Variants in LIPA observed in about 807,000 individuals in gnomAD.
LIPA encodes the protein lysosomal acid lipase/cholesteryl ester hydrolase.
LIPA carries 26 observed loss-of-function variants against 40.6 expected under a neutral mutation model. The ratio of observed to expected loss-of-function variants is 0.64; its 90% CI spans 0.47 to 0.89. The LOEUF is 0.89. Among genes scored for constraint, LIPA ranks in the 40% least tolerant of loss-of-function variants. The pLI, the probability that LIPA is intolerant of heterozygous loss-of-function variation, is 0.00. For missense variants in LIPA, 455 were observed against 479.6 expected (o/e 0.95, Z 0.48); for synonymous variants, 188 against 168.4 (o/e 1.12, Z -0.90).
At chr10:89,302,079 G>T (rs781311834) in intron 1 of LIPA, 3 of 1,613,306 alleles carry the variant, frequency 1.9e-6, no homozygotes, top group Admixed American at 3.3e-5. Flanking sequence ...GAGTGCAGCT[G>T]CCTGAACCGA....
intron 2 of LIPA, among the ~76,000 whole-genome samples, chr10:89,356,744 C>T (rs1843990699): frequency 6.6e-6 from 1 of 152,136 alleles, no homozygotes; most frequent in Non-Finnish European, 1.5e-5. Flanking sequence ...AAATAAAGTG[C>T]ACAATAAATG....
intron 1 of LIPA, among the ~76,000 whole-genome samples, chr10:89,264,790 G>A (rs1843226801): frequency 6.6e-6 from 1 of 152,338 alleles, no homozygotes; most frequent in South Asian, 2.1e-4. Flanking sequence ...ACACCACCTG[G>A]AACTGATAGG....
intron 1 of LIPA, among the ~76,000 whole-genome samples, chr10:89,328,534 A>G (rs1187280991): frequency 1.3e-5 from 2 of 152,186 alleles, no homozygotes; most frequent in Non-Finnish European, 2.9e-5. Context: ...AAAAGGAGGA[A>G]TTTATTTTCA....
At chr10:89,362,182 G>A (rs11203093) in intron 2 of LIPA, 1 of 152,018 alleles carries the variant, frequency 6.6e-6, no homozygotes, top group Admixed American at 6.6e-5. Flanking sequence ...AGGATTGCAG[G>A]TGTGAGCCAC....
At chr10:89,227,893 A>G (rs1488793041) in intron 4 of LIPA, among the ~76,000 whole-genome samples, 2 of 152,236 alleles carry the variant, frequency 1.3e-5, no homozygotes, top group African/African-American at 4.8e-5. Flanking sequence ...TCTGGATTAC[A>G]TATTTATGGA....
upstream of LIPA, among the ~76,000 whole-genome samples, chr10:89,253,869 A>C (rs905345460): frequency 6.6e-6 from 1 of 152,254 alleles, no homozygotes; most frequent in Admixed American, 6.5e-5. Flanking sequence ...GTCCAGATCC[A>C]TCAAGGCAGT....
chr10:89,364,508 C>T (rs1844044551), intron 2 of LIPA, among the ~76,000 whole-genome samples: 2 of 152,144 alleles, frequency 1.3e-5, no homozygotes, highest in Admixed American at 1.3e-4. Context: ...CTTCTTAAGG[C>T]CCATCTCTCT....
upstream of LIPA, among the ~76,000 whole-genome samples, chr10:89,345,697 A>G (rs1039078398): frequency 6.6e-6 from 1 of 152,194 alleles, no homozygotes; most frequent in Non-Finnish European, 1.5e-5. Flanking sequence ...ATTTATACAC[A>G]GCTGAAAAGC....
chr10:89,214,551 T>C lies in LIPA; in HGVS notation c.*277A>G. Reference sequence around the variant, plus strand: ...AATTTTAAAAACAGAATGGATATAATGACCTTTTTACACATCAGTGATATT... The same window carrying C: ...AATTTTAAAAACAGAATGGATATAACGACCTTTTTACACATCAGTGATATT... On this transcript the variant is annotated 3_prime_UTR_variant, in exon 10 of 10. Transcript: ENST00000336233. The C allele has an allele frequency of 3.0e-6, 1 of 329,820 alleles. No individual in the cohort carries two copies. The allele number at this position is 329,820 out of a possible 1,614,324, so 20.4% of individuals were successfully genotyped here.
chr10:89,227,163 T>C, intron 4 of LIPA, 159 bp from the exon 5 acceptor site: 1 of 646,256 alleles, frequency 1.5e-6, no homozygotes, highest in South Asian at 1.7e-5. Flanking sequence ...AGAAGCCCCC[T>C]TGGGCTCTCT....
intron 3 of LIPA, among the ~76,000 whole-genome samples, chr10:89,234,438 T>C (rs1407715853): frequency 6.6e-6 from 1 of 152,218 alleles, no homozygotes; most frequent in Non-Finnish European, 1.5e-5. Context: ...CTTCTAGAGA[T>C]GGCAGTTCCA....
intron 3 of LIPA, among the ~76,000 whole-genome samples, chr10:89,235,208 A>C (rs1842889892): frequency 6.6e-6 from 1 of 152,236 alleles, no homozygotes; most frequent in Non-Finnish European, 1.5e-5. Context: ...CAGCTCCTCC[A>C]AGGCCCAGCC....
intron 1 of LIPA, among the ~76,000 whole-genome samples, chr10:89,294,884 A>G (rs370031219): frequency 1.3e-5 from 2 of 152,000 alleles, no homozygotes; most frequent in South Asian, 4.1e-4. Flanking sequence ...TGAGGTGGGA[A>G]GATCACTTGA....
intron 1 of LIPA, among the ~76,000 whole-genome samples, chr10:89,249,435 CCATA>C (rs1438444888): frequency 1.3e-5 from 2 of 152,052 alleles, no homozygotes; most frequent in African/African-American, 2.4e-5. Flanking sequence ...GCATGTATGC[CCATA>C]CAAAGACTTG....
chr10:89,410,337 C>A (rs1325584963), intron 2 of LIPA, among the ~76,000 whole-genome samples: 1 of 152,162 alleles, frequency 6.6e-6, no homozygotes, highest in African/African-American at 2.4e-5. Context: ...ATATGCGTGG[C>A]CCTCAACCCT....
chr10:89,380,242 C>T (rs118109669), intron 2 of LIPA, among the ~76,000 whole-genome samples: 2 of 152,210 alleles, frequency 1.3e-5, no homozygotes, highest in East Asian at 3.9e-4. Context: ...CATCAAAATC[C>T]TCCTGATCCC....
intron 5 of LIPA, 75 bp from the exon 6 acceptor site, chr10:89,225,303 C>T: frequency 6.3e-7 from 1 of 1,575,332 alleles, no homozygotes; most frequent in South Asian, 1.1e-5. Flanking sequence ...AAGGCCGTCA[C>T]TCGCGACGCC....
intron 2 of LIPA, among the ~76,000 whole-genome samples, chr10:89,360,734 A>G (rs529179639): frequency 1.3e-5 from 2 of 152,324 alleles, no homozygotes; most frequent in East Asian, 3.9e-4. Flanking sequence ...ACAGCAGTCA[A>G]TCTCAATGAT....
chr10:89,241,143 C>G (rs570462903), intron 3 of LIPA, among the ~76,000 whole-genome samples: 4 of 152,130 alleles, frequency 2.6e-5, no homozygotes, highest in Non-Finnish European at 5.9e-5. Context: ...CAGGTCAGAG[C>G]GGTTAACCAG....
Sources: allele counts gnomAD v4.1 joint callset (sites outside exome capture counted in the v4.1 genomes callset), GRCh38; gene constraint gnomAD v4.1.1; transcripts MANE v1.5; gene names NCBI Gene and HGNC (gene_info 2026-07-23, HGNC 2026-07-21).